The following CFAP299 variants were observed in gnomAD, a reference collection of about 807,000 sequenced individuals.
CFAP299 encodes the protein cilia- and flagella-associated protein 299.
A neutral mutation model predicts 27.0 loss-of-function variants in CFAP299; 21 were observed. The observed-to-expected ratio is 0.78, with a 90% CI of 0.55 to 1.12. The LOEUF is 1.12. Ranked by LOEUF, CFAP299 falls within the 50% of genes most tolerant of loss-of-function variation. The pLI is 0.00. For synonymous variants in CFAP299, 104 were observed against 98.1 expected (o/e 1.06, Z -0.36); for missense variants, 310 against 276.6 (o/e 1.12, Z -0.86).
intron 4 of CFAP299, among the ~76,000 whole-genome samples, chr4:80,925,438 C>A (rs530694028): frequency 1.3e-5 from 2 of 151,932 alleles, no homozygotes; most frequent in South Asian, 4.2e-4. Flanking sequence ...TCACACTGAC[C>A]AAGAGAGTTA....
chr4:80,418,443 A>C (rs530992699), intron 2 of CFAP299, among the ~76,000 whole-genome samples: 8 of 148,390 alleles, frequency 5.4e-5, no homozygotes, highest in African/African-American at 1.6e-4. Flanking sequence ...TGAAAAGATT[A>C]AATTAATCTG....
chr4:80,861,982 G>T (rs1180326616), intron 3 of CFAP299, among the ~76,000 whole-genome samples: 1 of 152,000 alleles, frequency 6.6e-6, no homozygotes, highest in African/African-American at 2.4e-5. Flanking sequence ...CAATTTTTAA[G>T]AATTTTCAAT....
At chr4:80,342,314 G>T (rs958181512) in intron 1 of CFAP299, among the ~76,000 whole-genome samples, 2 of 152,290 alleles carry the variant, frequency 1.3e-5, no homozygotes, top group Admixed American at 6.5e-5. Flanking sequence ...AGGAAATACA[G>T]ACAACTCTAG....
intron 4 of CFAP299, among the ~76,000 whole-genome samples, chr4:80,884,580 T>C (rs1225399029): frequency 1.3e-5 from 2 of 150,010 alleles, no homozygotes; most frequent in African/African-American, 4.9e-5. Context: ...TAACCTAACT[T>C]TACACATAGC....
At chr4:80,494,275 A>G (rs1057031083) in intron 2 of CFAP299, among the ~76,000 whole-genome samples, 30 of 152,130 alleles carry the variant, frequency 2.0e-4, no homozygotes, top group Non-Finnish European at 1.8e-4. Flanking sequence ...AGCTCTTCCC[A>G]TTATCCTCAC....
chr4:80,708,181 A>C (rs1414452306), intron 3 of CFAP299, among the ~76,000 whole-genome samples: 4 of 152,020 alleles, frequency 2.6e-5, no homozygotes, highest in African/African-American at 7.2e-5. Context: ...TGATTTTCAT[A>C]GTTTGACCAG....
chr4:80,855,339 T>A (rs1025136811), intron 3 of CFAP299, among the ~76,000 whole-genome samples: 1 of 152,098 alleles, frequency 6.6e-6, no homozygotes, highest in African/African-American at 2.4e-5. Context: ...TAGTGCAAGT[T>A]CTACTGTTTA....
intron 3 of CFAP299, among the ~76,000 whole-genome samples, chr4:80,745,518 C>T (rs1471762184): frequency 6.6e-6 from 1 of 151,952 alleles, no homozygotes; most frequent in Non-Finnish European, 1.5e-5. Context: ...AAACAAATTT[C>T]AGAGTAGTTT....
chr4:80,804,374 T>C (rs1321950196), intron 3 of CFAP299, among the ~76,000 whole-genome samples: 2 of 152,202 alleles, frequency 1.3e-5, no homozygotes, highest in African/African-American at 2.4e-5. Context: ...TCATCTGGTA[T>C]ATTTGTCATT....
At chr4:80,351,994 G>A (rs1481884012) in intron 1 of CFAP299, among the ~76,000 whole-genome samples, 1 of 151,508 alleles carries the variant, frequency 6.6e-6, no homozygotes, top group South Asian at 2.1e-4. Context: ...CAAGCATAAA[G>A]AAAAGGAGAT....
At chr4:80,335,249 T>C (rs973391370), upstream of CFAP299, among the ~76,000 whole-genome samples, 4 of 152,244 alleles carry the variant, frequency 2.6e-5, no homozygotes, top group Non-Finnish European at 5.9e-5. Flanking sequence ...GGGAATTTCA[T>C]AAATTGCTTC....
At chr4:80,624,993 G>A (rs1158953036) in intron 3 of CFAP299, among the ~76,000 whole-genome samples, 1 of 152,042 alleles carries the variant, frequency 6.6e-6, no homozygotes, top group Non-Finnish European at 1.5e-5. Context: ...GCTAAAGGGA[G>A]CTCTTCAAGG....
intron 2 of CFAP299, among the ~76,000 whole-genome samples, chr4:80,572,641 C>A (rs1161113582): frequency 6.7e-6 from 1 of 150,340 alleles, no homozygotes; most frequent in Admixed American, 6.7e-5. Context: ...CTTCAGCCTC[C>A]CGAGTAGCTG....
At chr4:80,553,934 T>C (rs927686293) in intron 2 of CFAP299, among the ~76,000 whole-genome samples, 9 of 152,202 alleles carry the variant, frequency 5.9e-5, no homozygotes, top group Non-Finnish European at 1.3e-4. Context: ...TCTCTCTTTC[T>C]GTAGCTTGTC....
intron 3 of CFAP299, among the ~76,000 whole-genome samples, chr4:80,787,904 A>G (rs1727336231): frequency 6.6e-6 from 1 of 151,924 alleles, no homozygotes; most frequent in African/African-American, 2.4e-5. Context: ...TTCTCCAGAA[A>G]TCCCTCTTTC....
chr4:80,784,832 ATTT>A (rs1015380066), intron 3 of CFAP299, among the ~76,000 whole-genome samples: 4 of 152,194 alleles, frequency 2.6e-5, no homozygotes, highest in African/African-American at 4.8e-5. Context: ...CTTGTTGGCC[ATTT>A]TTATTTCTTA....
chr4:80,900,319 C>G (rs867059283), intron 4 of CFAP299, among the ~76,000 whole-genome samples: 23 of 152,170 alleles, frequency 1.5e-4, no homozygotes, highest in Middle Eastern at 3.4e-3. Context: ...TTATGTTTCT[C>G]TCTTATTATT....
chr4:80,818,821 T>G (rs1429499139), intron 3 of CFAP299, among the ~76,000 whole-genome samples: 1 of 152,140 alleles, frequency 6.6e-6, no homozygotes, highest in Non-Finnish European at 1.5e-5. Context: ...CTCAAAATAA[T>G]TTTAGAGTCT....
intron 4 of CFAP299, among the ~76,000 whole-genome samples, chr4:80,943,682 T>C (rs1464117251): frequency 6.6e-6 from 1 of 152,148 alleles, no homozygotes; most frequent in African/African-American, 2.4e-5. Context: ...ATATTGAGGA[T>C]TCTTTCAATT....
Sources: allele counts gnomAD v4.1 joint callset (sites outside exome capture counted in the v4.1 genomes callset), GRCh38; gene constraint gnomAD v4.1.1; transcripts MANE v1.5; gene names NCBI Gene and HGNC (gene_info 2026-07-23, HGNC 2026-07-21).